ITGA8: variants seen among roughly 807,000 people sequenced by gnomAD.
ITGA8 encodes integrin subunit alpha 8, also known as integrin alpha-8.
A neutral mutation model predicts 142.3 loss-of-function variants in ITGA8; 91 were observed. The observed-to-expected ratio is 0.64, with a 90% CI of 0.54 to 0.76. The LOEUF (loss-of-function observed/expected upper bound fraction) is 0.76. Ranked by LOEUF, ITGA8 falls within the 30% of genes least tolerant of loss-of-function variation. The probability of loss-of-function intolerance (pLI) is 0.00; values close to 1 mark genes in which losing one functional copy is unlikely to be tolerated. For synonymous variants in ITGA8, 505 were observed against 485.2 expected (o/e 1.04, Z -0.54); for missense variants, 1,406 against 1,327.7 (o/e 1.06, Z -0.92).
chr10:15,591,888 T>A (rs1188301464), intron 22 of ITGA8, among the ~76,000 whole-genome samples: 1 of 152,182 alleles, frequency 6.6e-6, no homozygotes, highest in Non-Finnish European at 1.5e-5. Flanking sequence ...TCTCAGGGAC[T>A]AGCTGATGCC....
At chr10:15,572,123 CTCT>C (rs1431717728) in intron 25 of ITGA8, 85 bp downstream of exon 25, 43 of 1,161,522 alleles carry the variant, frequency 3.7e-5, no homozygotes, top group Non-Finnish European at 5.0e-5. Flanking sequence ...AACGATTTCA[CTCT>C]TCTTTTTTAA....
intron 25 of ITGA8, among the ~76,000 whole-genome samples, chr10:15,566,508 G>T (rs902050253): frequency 2.0e-5 from 3 of 151,884 alleles, no homozygotes; most frequent in Non-Finnish European, 2.9e-5. Flanking sequence ...ACAAAATCTT[G>T]CCAATTAAAG....
chr10:15,675,893 A>G (rs1207144630), intron 6 of ITGA8, among the ~76,000 whole-genome samples: 4 of 152,208 alleles, frequency 2.6e-5, no homozygotes, highest in Non-Finnish European at 5.9e-5. Context: ...AAATGCTTGT[A>G]TATGCCATTG....
At chr10:15,713,237 A>G (rs1835392912) in intron 2 of ITGA8, among the ~76,000 whole-genome samples, 1 of 152,250 alleles carries the variant, frequency 6.6e-6, no homozygotes, top group Non-Finnish European at 1.5e-5. Context: ...TTCTAGAATA[A>G]TAAGTAAGAC....
At chr10:15,612,393 C>T (rs532946524) in intron 15 of ITGA8, among the ~76,000 whole-genome samples, 1 of 152,184 alleles carries the variant, frequency 6.6e-6, no homozygotes, top group Admixed American at 6.5e-5. Flanking sequence ...CTGACATTCT[C>T]AGAAACCAAA....
chr10:15,616,371 A>G (rs979917818), intron 14 of ITGA8, 143 bp downstream of exon 14: 14 of 678,070 alleles, frequency 2.1e-5, no homozygotes, highest in Admixed American at 1.3e-4. Context: ...AAAGAGTGAG[A>G]GCAAAAAATA....
At chr10:15,691,061 T>C (rs182909525) in intron 2 of ITGA8, among the ~76,000 whole-genome samples, 124 of 152,302 alleles carry the variant, frequency 8.1e-4, no homozygotes, top group African/African-American at 2.9e-3. Context: ...AAAGAAGGCA[T>C]ACAAACGGCC....
chr10:15,537,617 A>G (rs778240134), intron 27 of ITGA8, among the ~76,000 whole-genome samples: 17 of 152,230 alleles, frequency 1.1e-4, no homozygotes, highest in Non-Finnish European at 1.3e-4. Context: ...AATGTCGTGT[A>G]TGGAACTGAA....
At position 15,620,152 on chromosome 10, in the gene ITGA8, C is replaced by A. The variant is rs538267524; in HGVS notation, c.1400-3593G>T. ...CACAGTGCCAGATGCAGAACAGAGA[C>A]TTCATAAATGCCTGATTAAATAGGG... On this transcript the variant is annotated intron_variant, in intron 13 of 29. Transcript: ENST00000378076. Among the ~76,000 whole-genome samples, 3 of 152,276 alleles carry A rather than the reference C, an allele frequency of 2.0e-5. No individual in the cohort carries two copies. In the East Asian group the frequency reaches 5.8e-4, roughly 29 times the overall value.
chr10:15,554,336 C>T (rs1378535335), intron 26 of ITGA8, among the ~76,000 whole-genome samples: 1 of 152,088 alleles, frequency 6.6e-6, no homozygotes, highest in East Asian at 1.9e-4. Flanking sequence ...AGAGGCAGAG[C>T]CTATGGGGGG....
intron 27 of ITGA8, among the ~76,000 whole-genome samples, chr10:15,545,834 A>G (rs969281083): frequency 6.6e-6 from 1 of 151,974 alleles, no homozygotes; most frequent in Admixed American, 6.6e-5. Context: ...TAATTTATTT[A>G]TTTACTTGTG....
At chr10:15,695,152 G>T (rs1835027371) in intron 2 of ITGA8, among the ~76,000 whole-genome samples, 1 of 152,080 alleles carries the variant, frequency 6.6e-6, no homozygotes. Flanking sequence ...TGTCAACTGG[G>T]CAATTTGGCA....
rs180910530 is a variant in ITGA8, at chr10:15,700,891, C to T, written c.344-12853G>A. Among the ~76,000 whole-genome samples the T allele has an allele frequency of 9.3e-4, 142 of 152,184 alleles. 1 individual carries two copies. Among genetic ancestry groups the T allele is most frequent in the African/African-American group, 3.3e-3 (138 of 41,508 alleles). ...AGTGCTTACCACTATCTGAGATGAT[C>T]GTATTGGCATGTTTACTGCAATAGT... is the stretch of plus-strand genomic sequence containing the variant. On this transcript the variant is annotated intron_variant, in intron 2 of 29. Transcript: ENST00000378076.
chr10:15,531,939 C>G lies in ITGA8; in HGVS notation c.2881-788G>C, dbSNP rs114470946. ...CGACCTGGGCAACAGGATCAAAACT[C>G]TGTCTCAAAAAGAAAAAAAAATCGT... On this transcript the variant is annotated intron_variant, in intron 27 of 29. Transcript: ENST00000378076. Among the ~76,000 whole-genome samples the G allele has an allele frequency of 6.7e-3, 1,012 of 150,396 alleles. 8 individuals are homozygous for G. The highest frequency in any genetic ancestry group is 0.024 in the African/African-American group (969 of 40,940).
intron 3 of ITGA8, 104 bp from the exon 4 acceptor site, chr10:15,684,231 A>G: frequency 1.6e-6 from 2 of 1,242,846 alleles, no homozygotes; most frequent in Non-Finnish European, 2.2e-6. Context: ...TATTGGGTGA[A>G]TTAATTGGCC....
chr10:15,592,197 C>A (rs1024020505), intron 22 of ITGA8, 28 bp downstream of exon 22: 2 of 1,542,178 alleles, frequency 1.3e-6, no homozygotes, highest in African/African-American at 1.4e-5. Context: ...TGACTGCTGT[C>A]AACGATATAG....
At chr10:15,535,938 A>G (rs111803185) in intron 27 of ITGA8, among the ~76,000 whole-genome samples, 30,219 of 151,696 alleles carry the variant, frequency 0.2, 4,082 homozygotes, top group African/African-American at 0.39. Context: ...ACCAGACCAC[A>G]AACCCACCGG....
Position 15,646,971 on chromosome 10 carries a change from TAG to T in ITGA8, c.1080_1081del (p.Tyr361ProfsTer27). On this transcript the variant is annotated frameshift_variant, in exon 12 of 30. Transcript: ENST00000378076. LOFTEE classifies it high-confidence loss of function. ...GAGAGAGCTCACTTGCAAATACAGG[TAG>T]ATTTGCCCTACTTCTCTGGGGTTGC... 1 of 1,614,048 alleles carries T rather than the reference TAG, an allele frequency of 6.2e-7. No homozygotes were observed. Among genetic ancestry groups the T allele is most frequent in the Non-Finnish European group, 8.5e-7 (1 of 1,180,004 alleles).
At chr10:15,591,442 A>ATATT (rs1185983159) in intron 22 of ITGA8, among the ~76,000 whole-genome samples, 2 of 128,048 alleles carry the variant, frequency 1.6e-5, no homozygotes, top group African/African-American at 2.6e-5. Flanking sequence ...ATATTATATT[A>ATATT]TATTATATGT....
Sources: gnomAD v4.1 joint callset for allele counts (sites outside exome capture counted in the v4.1 genomes callset) on GRCh38, gnomAD v4.1.1 for gene constraint, MANE v1.5 for transcripts, NCBI Gene and HGNC (gene_info 2026-07-23, HGNC 2026-07-21) for gene names.